The following RBM33 variants were observed in gnomAD, a reference collection of about 807,000 sequenced individuals.
RBM33 encodes RNA binding motif protein 33.
A neutral mutation model predicts 132.6 loss-of-function variants in RBM33; 28 were observed. The ratio of observed to expected loss-of-function variants is 0.21; its 90% CI spans 0.16 to 0.29. RBM33 has a LOEUF of 0.29. Among genes scored for constraint, RBM33 ranks in the 10% least tolerant of loss-of-function variants. The pLI, the probability that RBM33 is intolerant of heterozygous loss-of-function variation, is 1.00. For synonymous variants in RBM33, 634 were observed against 593.0 expected, an observed-to-expected ratio of 1.07 and a Z score of -1.01; for missense variants, 1,291 against 1,518.5, an observed-to-expected ratio of 0.85 and a Z score of 2.49.
intron 9 of RBM33, among the ~76,000 whole-genome samples, chr7:155,734,107 C>T (rs897952671): frequency 1.3e-5 from 2 of 152,222 alleles, no homozygotes; most frequent in African/African-American, 4.8e-5. Context: ...ACCAGTTTGT[C>T]TTTCAACTGG....
intron 9 of RBM33, among the ~76,000 whole-genome samples, chr7:155,733,976 G>A (rs777124983): frequency 9.9e-5 from 15 of 152,204 alleles, no homozygotes; most frequent in Non-Finnish European, 2.2e-4. Flanking sequence ...CCAGGTTCCA[G>A]ACTTGGCAGA....
intron 14 of RBM33, among the ~76,000 whole-genome samples, chr7:155,746,069 T>TA (rs1249256973): frequency 6.6e-6 from 1 of 152,244 alleles, no homozygotes; most frequent in African/African-American, 2.4e-5. Flanking sequence ...AGAATGTTGT[T>TA]ATGCGGCACA....
chr7:155,755,216 T>C (rs1199645572), intron 14 of RBM33, among the ~76,000 whole-genome samples: 3 of 152,210 alleles, frequency 2.0e-5, no homozygotes, highest in Non-Finnish European at 4.4e-5. Flanking sequence ...ATCAGCAACA[T>C]TGGCGGTGAC....
chr7:155,715,123 C>T (rs1368799453), intron 8 of RBM33, among the ~76,000 whole-genome samples: 3 of 152,104 alleles, frequency 2.0e-5, no homozygotes, highest in Non-Finnish European at 4.4e-5. Context: ...CCCTGAGCGT[C>T]GCTGATTGGT....
chr7:155,755,447 C>T (rs745549928), intron 14 of RBM33, among the ~76,000 whole-genome samples: 4 of 152,080 alleles, frequency 2.6e-5, no homozygotes, highest in African/African-American at 7.2e-5. Flanking sequence ...GCCAGTTTGG[C>T]GGATTTGGAT....
chr7:155,680,083 C>T lies in RBM33; in HGVS notation c.249-507C>T, dbSNP rs562072138. Among the ~76,000 whole-genome samples, 9 of 152,182 alleles carry T rather than the reference C, an allele frequency of 5.9e-5. No homozygotes were observed. The South Asian group carries it at 1.7e-3, about 28-fold the overall frequency. The stretch of plus-strand genomic sequence containing the variant: ...TTTTTAATATTTTGATTTTCTTAAA[C>T]AGGAGTTTATAATTTCTATCACAGA... On this transcript the variant is annotated intron_variant, in intron 4 of 17. Coordinates refer to ENST00000401878, the MANE Select transcript of RBM33 (RefSeq NM_053043.3).
At chr7:155,764,128 A>T in intron 15 of RBM33, 110 bp downstream of exon 15, 1 of 810,996 alleles carries the variant, frequency 1.2e-6, no homozygotes, top group Non-Finnish European at 1.9e-6. Flanking sequence ...ACTCACATTC[A>T]TAAGTGAACC....
chr7:155,745,792 T>G lies in RBM33; in HGVS notation c.2979+190T>G. 1 of 622,086 alleles carries G rather than the reference T, an allele frequency of 1.6e-6. No individual in the cohort carries two copies. The highest frequency in any genetic ancestry group is 2.1e-5 in the South Asian group (1 of 48,576). 38.5% of individuals were successfully genotyped at this position (622,086 alleles called of 1,614,324 possible). ...ACAGGCATACATTCTCAGAAATGTG[T>G]TGTTAGGCGATTTTGTCATTGTCTG... On this transcript the variant is annotated intron_variant, in intron 14 of 17. Transcript: ENST00000401878. This position sits in a 1 kb window ranked among gnomAD's most constrained non-coding sequence, Gnocchi z 4.1.
intron 3 of RBM33, among the ~76,000 whole-genome samples, chr7:155,677,365 C>T (rs970054188): frequency 2.0e-5 from 3 of 152,066 alleles, no homozygotes; most frequent in Admixed American, 6.6e-5. Context: ...CCCCTCACCA[C>T]GCCTGGCTAA....
chr7:155,659,603 C>T (rs1027479903), intron 1 of RBM33, among the ~76,000 whole-genome samples: 9 of 151,872 alleles, frequency 5.9e-5, no homozygotes, highest in Non-Finnish European at 1.2e-4. Flanking sequence ...TACGGGACAC[C>T]ACCAAGTGTA....
intron 9 of RBM33, among the ~76,000 whole-genome samples, chr7:155,724,570 T>C (rs1321524582): frequency 6.6e-6 from 1 of 152,160 alleles, no homozygotes; most frequent in Non-Finnish European, 1.5e-5. Context: ...AAAAAAGTAA[T>C]TCTTCCAAAA....
intron 9 of RBM33, among the ~76,000 whole-genome samples, chr7:155,723,689 G>A (rs978020873): frequency 2.8e-4 from 43 of 152,210 alleles, no homozygotes; most frequent in Non-Finnish European, 1.8e-4. Context: ...GTTGGATAGA[G>A]ATAGGGCTGG....
Position 155,692,800 on chromosome 7 carries a change from A to G in RBM33, c.568-7973A>G, listed in dbSNP as rs113660840. 8.6e-3 allele frequency among the ~76,000 whole-genome samples: 1,306 copies of G among 152,334 alleles called. 17 individuals are homozygous for G. The highest frequency in any genetic ancestry group is 0.03 in the African/African-American group (1,228 of 41,570). The stretch of plus-strand genomic sequence containing the variant: ...TTTAAAGCTCCTGTCCTTGGACTCA[A>G]CAATTCCACTTTAACAAATTTATCC... On this transcript the variant is annotated intron_variant, in intron 5 of 17. Transcript: ENST00000401878.
In RBM33 at chr7:155,774,704, C is replaced by A; in HGVS notation, c.3464+57C>A. 1 of 1,318,442 alleles carries A rather than the reference C, an allele frequency of 7.6e-7. No homozygotes were observed. 81.7% of individuals were successfully genotyped at this position (1,318,442 alleles called of 1,614,324 possible). ...AGGGGGCGGGAGCAAGGCCCTCCTT[C>A]CTGTGCCCTCCCATCCATCATGGTA... On this transcript the variant is annotated intron_variant, in intron 17 of 17. Coordinates refer to ENST00000401878, the MANE Select transcript of RBM33 (RefSeq NM_053043.3). This position sits in a 1 kb window ranked among gnomAD's most constrained non-coding sequence, Gnocchi z 4.2.
Position 155,775,376 on chromosome 7 carries a change from G to C in RBM33, c.*335G>C, listed in dbSNP as rs1802572673. Reference sequence around the variant, plus strand: ...CTCTATGATCGATCACAGTGACTTAGATTCAGGAAAGAACATTAACGTCAC... The same window carrying C: ...CTCTATGATCGATCACAGTGACTTACATTCAGGAAAGAACATTAACGTCAC... On this transcript the variant is annotated 3_prime_UTR_variant, in exon 18 of 18. Coordinates refer to ENST00000401878, the MANE Select transcript of RBM33 (RefSeq NM_053043.3). 2.2e-6 allele frequency: 1 copy of C among 455,220 alleles called. No homozygotes were observed. Among genetic ancestry groups the C allele is most frequent in the Admixed American group, 3.4e-5 (1 of 29,306 alleles). The allele number at this position is 455,220 out of a possible 1,614,324, so 28.2% of individuals were successfully genotyped here.
intron 1 of RBM33, among the ~76,000 whole-genome samples, chr7:155,658,691 G>A (rs372711962): frequency 6.6e-6 from 1 of 152,132 alleles, no homozygotes; most frequent in Admixed American, 6.5e-5. Context: ...GAGCCACCGC[G>A]CCCGGCTGCT....
chr7:155,779,854 G>A lies in RBM33; in HGVS notation c.*4813G>A, dbSNP rs1802754101. 1.3e-5 allele frequency: 2 copies of A among 152,128 alleles called. No homozygotes were observed. Among genetic ancestry groups the A allele is most frequent in the African/African-American group, 2.4e-5 (1 of 41,430 alleles). The allele number at this position is 152,128 out of a possible 1,614,324, so 9.4% of individuals were successfully genotyped here. A position where few individuals can be genotyped will look rare whatever the true frequency, so the allele number is the denominator to read the frequency against. ...TTTAGTGAGACACTTCTGAGTACTT[G>A]CTTTTTCCTTTGACTTCTAACCAAC... On this transcript the variant is annotated 3_prime_UTR_variant, in exon 18 of 18. Transcript: ENST00000401878.
chr7:155,666,259 G>A (rs1798798557), intron 2 of RBM33, among the ~76,000 whole-genome samples: 1 of 152,186 alleles, frequency 6.6e-6, no homozygotes, highest in South Asian at 2.1e-4. Context: ...CCCTATCTGA[G>A]CCTGGAGGCC....
intron 8 of RBM33, among the ~76,000 whole-genome samples, chr7:155,713,732 T>C (rs369111746): frequency 6.6e-6 from 1 of 152,330 alleles, no homozygotes; most frequent in African/African-American, 2.4e-5. Context: ...TGATAATTGA[T>C]GGGAGCCAAG....
Sources: gnomAD v4.1 joint callset for allele counts (sites outside exome capture counted in the v4.1 genomes callset) on GRCh38, gnomAD v4.1.1 for gene constraint, Gnocchi (gnomAD v3.1) non-coding constraint, MANE v1.5 for transcripts, NCBI Gene and HGNC (gene_info 2026-07-23, HGNC 2026-07-21) for gene names.